The following NELL2 variants were observed in gnomAD, a reference collection of about 807,000 sequenced individuals.
The protein encoded by NELL2 is protein kinase C-binding protein NELL2.
NELL2 carries 41 observed loss-of-function variants against 109.6 expected under a neutral mutation model. That is an observed-to-expected ratio of 0.37 (90% CI 0.29 to 0.49). The LOEUF (loss-of-function observed/expected upper bound fraction) is 0.49, where lower values mean the gene tolerates loss of function less well. Among genes scored for constraint, NELL2 ranks in the 20% least tolerant of loss-of-function variants. NELL2 has a pLI of 0.98. For synonymous variants in NELL2, 355 were observed against 344.7 expected (o/e 1.03, Z -0.33); for missense variants, 900 against 1,008.3 (o/e 0.89, Z 1.45).
chr12:44,543,164 G>T (rs927641445), intron 15 of NELL2, among the ~76,000 whole-genome samples: 5 of 151,974 alleles, frequency 3.3e-5, no homozygotes, highest in South Asian at 2.1e-4. Context: ...TTTCCACTTG[G>T]ATACAAAATT....
intron 2 of NELL2, among the ~76,000 whole-genome samples, chr12:44,825,548 A>T (rs549738805): frequency 2.0e-5 from 3 of 150,280 alleles, no homozygotes; most frequent in African/African-American, 7.3e-5. Context: ...GGTGCGTGCC[A>T]CCATGCCCAG....
At chr12:44,548,522 G>A (rs1942896294) in intron 15 of NELL2, among the ~76,000 whole-genome samples, 1 of 148,806 alleles carries the variant, frequency 6.7e-6, no homozygotes, top group South Asian at 2.2e-4. Context: ...ACCAGCCCGG[G>A]TGACAGTGTG....
intron 9 of NELL2, among the ~76,000 whole-genome samples, chr12:44,753,606 C>T (rs1166006513): frequency 2.0e-5 from 3 of 152,110 alleles, no homozygotes; most frequent in African/African-American, 7.2e-5. Flanking sequence ...ACCTCACATG[C>T]CCTATTTTTA....
chr12:44,552,792 G>T (rs531503400), intron 15 of NELL2, among the ~76,000 whole-genome samples: 1 of 152,026 alleles, frequency 6.6e-6, no homozygotes, highest in Non-Finnish European at 1.5e-5. Flanking sequence ...CTCTTTCAAT[G>T]TCTTAAAGTT....
chr12:44,774,980 G>A, intron 8 of NELL2, 131 bp from the exon 9 acceptor site: 3 of 636,338 alleles, frequency 4.7e-6, no homozygotes, highest in Non-Finnish European at 8.0e-6. Context: ...TTGCCAGGAG[G>A]GGAGGCGGTG....
intron 2 of NELL2, among the ~76,000 whole-genome samples, chr12:44,817,281 C>T (rs1053289296): frequency 6.6e-6 from 1 of 152,136 alleles, no homozygotes; most frequent in Admixed American, 6.6e-5. Context: ...CTTGATGAAA[C>T]AGAAATTATA....
Position 44,522,165 on chromosome 12 carries a change from A to G in NELL2, c.2010T>C (p.Val670=), listed in dbSNP as rs1301574745. ...AGTCACAGACCATCCGTCGACACATAACGAATCCATTCTGTATGAAAAAGA... is the reference window on the plus strand; with the variant it reads ...AGTCACAGACCATCCGTCGACACATGACGAATCCATTCTGTATGAAAAAGA... ...CSVCSCQNGF[V]MCRRMVCDCE... The change falls in exon 18 of 20, where the codon GTT becomes GTC. Residue 670 remains valine (V), a synonymous_variant. Transcript: ENST00000429094. 2 of 1,613,682 alleles carry G rather than the reference A, an allele frequency of 1.2e-6. No individual in the cohort carries two copies. Among genetic ancestry groups the G allele is most frequent in the South Asian group, 2.2e-5 (2 of 90,948 alleles).
At chr12:44,682,722 T>C (rs901811920) in intron 12 of NELL2, among the ~76,000 whole-genome samples, 2 of 152,200 alleles carry the variant, frequency 1.3e-5, no homozygotes, top group South Asian at 2.1e-4. Flanking sequence ...AAAGATCAGA[T>C]AGTTGCAGAT....
intron 12 of NELL2, among the ~76,000 whole-genome samples, chr12:44,692,761 G>A (rs1948939752): frequency 6.6e-6 from 1 of 152,092 alleles, no homozygotes; most frequent in Non-Finnish European, 1.5e-5. Context: ...CAGATGTAGT[G>A]GAAATAGTAA....
intron 1 of NELL2, among the ~76,000 whole-genome samples, chr12:44,881,586 C>T (rs1945412372): frequency 6.6e-6 from 1 of 151,826 alleles, no homozygotes. Flanking sequence ...TAAAATTACC[C>T]AATCTGAACA....
intron 2 of NELL2, among the ~76,000 whole-genome samples, chr12:44,861,134 G>C (rs566183550): frequency 6.6e-6 from 1 of 152,286 alleles, no homozygotes; most frequent in East Asian, 1.9e-4. Flanking sequence ...CTAAGAAAAG[G>C]CATACTGAAG....
intron 15 of NELL2, among the ~76,000 whole-genome samples, chr12:44,564,651 T>G (rs990786263): frequency 4.6e-5 from 7 of 152,332 alleles, no homozygotes; most frequent in Admixed American, 2.0e-4. Flanking sequence ...AAATTGCCTG[T>G]GAGGACTGCC....
chr12:44,765,651 C>A (rs75880832), intron 9 of NELL2, among the ~76,000 whole-genome samples: 4,413 of 152,296 alleles, frequency 0.029, 195 homozygotes, highest in African/African-American at 0.097. Flanking sequence ...ATGTTACCAG[C>A]TTAACATTCC....
At chr12:44,577,966 G>C (rs1944173589) in intron 15 of NELL2, among the ~76,000 whole-genome samples, 1 of 152,102 alleles carries the variant, frequency 6.6e-6, no homozygotes. Flanking sequence ...GTCCTCACAT[G>C]CTATAGTAAT....
At chr12:44,897,153 A>G (rs904228118) in intron 1 of NELL2, among the ~76,000 whole-genome samples, 2 of 152,188 alleles carry the variant, frequency 1.3e-5, no homozygotes, top group Non-Finnish European at 2.9e-5. Context: ...ATAATCATCT[A>G]CTGAGGTTAG....
At chr12:44,580,735 C>T (rs778007091) in intron 15 of NELL2, among the ~76,000 whole-genome samples, 17 of 151,944 alleles carry the variant, frequency 1.1e-4, no homozygotes, top group Non-Finnish European at 1.3e-4. Context: ...AAACAAAAAA[C>T]TCATAATGCA....
chr12:44,875,528 T>C (rs761460429), intron 1 of NELL2, 175 bp from the exon 2 acceptor site: 1 of 1,613,864 alleles, frequency 6.2e-7, no homozygotes, highest in South Asian at 1.1e-5. Flanking sequence ...AGCCAAGCTT[T>C]AAATAGCGGA....
chr12:44,868,803 C>T (rs1945082031), intron 2 of NELL2, among the ~76,000 whole-genome samples: 1 of 152,006 alleles, frequency 6.6e-6, no homozygotes, highest in Non-Finnish European at 1.5e-5. Context: ...ACAATATGTT[C>T]AAGAGATCTA....
rs190474353 is a variant in NELL2 at position 44,630,455 on chromosome 12, G to A, written c.1445-19485C>T. On this transcript the variant is annotated intron_variant, in intron 13 of 19. Coordinates refer to ENST00000429094, the MANE Select transcript of NELL2 (RefSeq NM_001145108.2). ...TAAGAAGCTCTGAATTGAACTAATC[G>A]ATCTTCTTCATTTGAAAGTGTATAT... Among the ~76,000 whole-genome samples, 379 of 152,166 alleles carry A rather than the reference G, an allele frequency of 2.5e-3. 1 individual carries two copies. The highest frequency in any genetic ancestry group is 8.7e-3 in the African/African-American group (362 of 41,528).
Sources: gnomAD v4.1 joint callset for allele counts (sites outside exome capture counted in the v4.1 genomes callset) on GRCh38, gnomAD v4.1.1 for gene constraint, MANE v1.5 for transcripts, NCBI Gene and HGNC (gene_info 2026-07-23, HGNC 2026-07-21) for gene names.